The following TOM1L2 variants were observed in gnomAD, a reference collection of about 807,000 sequenced individuals.
TOM1L2 encodes target of myb1 like 2 membrane trafficking protein, also known as TOM1-like protein 2.
Under a neutral mutation model 67.9 loss-of-function variants are expected in TOM1L2, and 31 were observed. The observed-to-expected ratio is 0.46, with a 90% CI of 0.34 to 0.62. The LOEUF is 0.62. Among genes scored for constraint, TOM1L2 ranks in the 20% least tolerant of loss-of-function variants. The pLI, the probability that TOM1L2 is intolerant of heterozygous loss-of-function variation, is 0.01. For missense variants in TOM1L2, 606 were observed against 663.5 expected (o/e 0.91, Z 0.95); for synonymous variants, 256 against 254.0 (o/e 1.01, Z -0.07).
At chr17:17,915,443 T>C (rs2039586574) in intron 1 of TOM1L2, among the ~76,000 whole-genome samples, 1 of 152,254 alleles carries the variant, frequency 6.6e-6, no homozygotes, top group East Asian at 1.9e-4. Context: ...TGAGCATTTT[T>C]TCATGTGCTT....
chr17:17,847,834 G>C (rs748294220), intron 14 of TOM1L2, 51 bp from the exon 15 acceptor site: 1 of 1,611,392 alleles, frequency 6.2e-7, no homozygotes, highest in Non-Finnish European at 8.5e-7. Flanking sequence ...CAGGCCACCA[G>C]AGGAAGCGCA....
At chr17:17,933,612 GCCA>G (rs1024458084) in intron 1 of TOM1L2, among the ~76,000 whole-genome samples, 5 of 152,074 alleles carry the variant, frequency 3.3e-5, no homozygotes, top group African/African-American at 9.7e-5. Context: ...CATTTTGAGG[GCCA>G]CCACCACACT....
chr17:17,922,952 C>T (rs2039938407), intron 1 of TOM1L2, among the ~76,000 whole-genome samples: 1 of 152,188 alleles, frequency 6.6e-6, no homozygotes, highest in South Asian at 2.1e-4. Flanking sequence ...ATCTGTTGGC[C>T]AGGCACCAAC....
Position 17,898,657 on chromosome 17 carries a change from C to T in TOM1L2, c.155G>A (p.Arg52Gln). The T allele has an allele frequency of 2.5e-6, 4 of 1,614,164 alleles. No individual in the cohort carries two copies. Among genetic ancestry groups the T allele is most frequent in the Non-Finnish European group, 2.5e-6 (3 of 1,180,030 alleles). ...ETEEGPKDAI[R>Q]ALKKRLNGNR... ...CCCGTTGAGCCGCTTCTTCAGGGCT[C>T]GAATGGCATCCTTTGGCCTGGAAAA... The change falls in exon 3 of 15, where the codon CGA (arginine) becomes CAA (glutamine). Residue 52 changes from arginine to glutamine, a missense_variant. Transcript: ENST00000379504.
chr17:17,848,260 C>T (rs2035761351), intron 14 of TOM1L2, among the ~76,000 whole-genome samples: 1 of 152,198 alleles, frequency 6.6e-6, no homozygotes, highest in African/African-American at 2.4e-5. Context: ...TGAAGTTTCC[C>T]TCCCTGCGGA....
intron 1 of TOM1L2, among the ~76,000 whole-genome samples, chr17:17,966,174 T>G (rs1237171900): frequency 6.6e-6 from 1 of 152,082 alleles, no homozygotes; most frequent in Non-Finnish European, 1.5e-5. Context: ...TTAGCTATTA[T>G]TATTACCACC....
chr17:17,857,086 T>C (rs1342723858), intron 12 of TOM1L2, among the ~76,000 whole-genome samples: 1 of 152,108 alleles, frequency 6.6e-6, no homozygotes, highest in East Asian at 1.9e-4. Flanking sequence ...TCCCAAGTAG[T>C]TGGGATTACA....
At chr17:17,902,221 G>C (rs1438088259) in intron 2 of TOM1L2, among the ~76,000 whole-genome samples, 1 of 152,156 alleles carries the variant, frequency 6.6e-6, no homozygotes, top group Non-Finnish European at 1.5e-5. Context: ...AGGTTATTCA[G>C]TCAGCCACTC....
chr17:17,924,047 A>C (rs2039990190), intron 1 of TOM1L2, among the ~76,000 whole-genome samples: 1 of 151,798 alleles, frequency 6.6e-6, no homozygotes, highest in African/African-American at 2.4e-5. Context: ...CTGAGGCAGG[A>C]GAATTACTTG....
intron 2 of TOM1L2, 46 bp downstream of exon 2, chr17:17,907,401 C>A: frequency 6.3e-7 from 1 of 1,577,618 alleles, no homozygotes; most frequent in Non-Finnish European, 8.7e-7. Context: ...TTTGAGTGGC[C>A]CCTAAAAGCT....
At chr17:17,879,794 G>A (rs904773269) in intron 6 of TOM1L2, 51 bp from the exon 7 acceptor site, 7 of 1,413,398 alleles carry the variant, frequency 5.0e-6, no homozygotes, top group Non-Finnish European at 1.0e-6. Flanking sequence ...CAGTCAGCCT[G>A]CACTTGCAAT....
intron 1 of TOM1L2, among the ~76,000 whole-genome samples, chr17:17,964,052 G>T (rs1466901151): frequency 6.6e-6 from 1 of 152,228 alleles, no homozygotes; most frequent in Non-Finnish European, 1.5e-5. Flanking sequence ...TAGGAAGGCT[G>T]CCTGTAGGAA....
chr17:17,938,310 G>A (rs1312542279), intron 1 of TOM1L2, among the ~76,000 whole-genome samples: 3 of 152,202 alleles, frequency 2.0e-5, no homozygotes, highest in African/African-American at 7.2e-5. Flanking sequence ...TCTAGAAGGG[G>A]TGCCTGCTGT....
At chr17:17,936,086 ACTTGGCCTCGCTTGCT>A (rs1256868956) in intron 1 of TOM1L2, among the ~76,000 whole-genome samples, 1 of 152,208 alleles carries the variant, frequency 6.6e-6, no homozygotes, top group African/African-American at 2.4e-5. Flanking sequence ...ACATTCTGTC[ACTTGGCCTCGCTTGCT>A]CCTGCCCTGT....
At chr17:17,927,663 C>CTT (rs1191502051) in intron 1 of TOM1L2, among the ~76,000 whole-genome samples, 4 of 139,352 alleles carry the variant, frequency 2.9e-5, no homozygotes, top group Non-Finnish European at 3.1e-5. Flanking sequence ...GTTGGCTATA[C>CTT]TTTTTTTTTT....
At chr17:17,914,707 C>T (rs935314068) in intron 1 of TOM1L2, among the ~76,000 whole-genome samples, 1 of 152,190 alleles carries the variant, frequency 6.6e-6, no homozygotes, top group African/African-American at 2.4e-5. Flanking sequence ...AGCCCCTGCC[C>T]AGTCCTCTGG....
At chr17:17,872,901 A>G (rs949275572) in intron 7 of TOM1L2, among the ~76,000 whole-genome samples, 1 of 152,222 alleles carries the variant, frequency 6.6e-6, no homozygotes, top group Admixed American at 6.5e-5. Context: ...TGCAAACTGC[A>G]GGCCAATCAC....
chr17:17,881,459 C>A (rs1431922003), intron 6 of TOM1L2, among the ~76,000 whole-genome samples: 1 of 152,246 alleles, frequency 6.6e-6, no homozygotes, highest in East Asian at 1.9e-4. Flanking sequence ...ACCTCCCACA[C>A]TTTGAGTCGG....
intron 1 of TOM1L2, among the ~76,000 whole-genome samples, chr17:17,936,499 T>C (rs773084795): frequency 1.3e-4 from 20 of 152,156 alleles, no homozygotes; most frequent in Non-Finnish European, 1.8e-4. Flanking sequence ...ATTTATTATA[T>C]GTAAATAATC....
Sources: gnomAD v4.1 joint callset for allele counts (sites outside exome capture counted in the v4.1 genomes callset) on GRCh38, gnomAD v4.1.1 for gene constraint, MANE v1.5 for transcripts, NCBI Gene and HGNC (gene_info 2026-07-23, HGNC 2026-07-21) for gene names.